Variants in POLR3B observed in about 807,000 individuals in gnomAD.
POLR3B encodes the protein DNA-directed RNA polymerase III subunit RPC2.
In POLR3B, 96 loss-of-function variants were observed where a neutral mutation model predicts 147.4. The ratio of observed to expected loss-of-function variants is 0.65; its 90% CI spans 0.55 to 0.77. The LOEUF (loss-of-function observed/expected upper bound fraction) is 0.77, where lower values mean the gene tolerates loss of function less well. Ranked by LOEUF, POLR3B falls within the 30% of genes least tolerant of loss-of-function variation. The pLI is 0.00. For synonymous variants in POLR3B, 461 were observed against 485.9 expected, an observed-to-expected ratio of 0.95 and a Z score of 0.67; for missense variants, 1,036 against 1,413.5, an observed-to-expected ratio of 0.73 and a Z score of 4.28.
intron 23 of POLR3B, among the ~76,000 whole-genome samples, chr12:106,472,363 T>A (rs928110625): frequency 6.6e-6 from 1 of 151,778 alleles, no homozygotes; most frequent in African/African-American, 2.4e-5. Flanking sequence ...TTTATAGTCA[T>A]TTGGTTATAT....
At chr12:106,367,999 A>C (rs549499159) in intron 4 of POLR3B, among the ~76,000 whole-genome samples, 73 of 152,134 alleles carry the variant, frequency 4.8e-4, no homozygotes, top group Middle Eastern at 3.4e-3. Flanking sequence ...ATATCTCTCT[A>C]TATTAATTTA....
chr12:106,403,396 G>A lies in POLR3B; in HGVS notation c.847-2461G>A, dbSNP rs545391693. Among the ~76,000 whole-genome samples the A allele has an allele frequency of 1.2e-4, 18 of 150,392 alleles. 1 individual carries two copies. Among genetic ancestry groups the A allele is most frequent in the African/African-American group, 4.4e-4 (18 of 40,982 alleles). ...ACTAGTTCAACCATTGTGGAAGTCA[G>A]TGTGGCGATTCCTCAGGGATCTAGA... On this transcript the variant is annotated intron_variant, in intron 10 of 27. Transcript: ENST00000228347.
chr12:106,428,498 T>G (rs900248886), intron 13 of POLR3B, among the ~76,000 whole-genome samples: 1 of 152,204 alleles, frequency 6.6e-6, no homozygotes, highest in Non-Finnish European at 1.5e-5. Flanking sequence ...TTTTTAGCCC[T>G]CTTGTCTGTT....
chr12:106,495,979 G>A, intron 23 of POLR3B, 76 bp from the exon 24 acceptor site: 2 of 852,338 alleles, frequency 2.3e-6, no homozygotes, highest in Admixed American at 1.7e-5. Context: ...ATAGCAGCGG[G>A]GAGATCCCAA....
intron 9 of POLR3B, among the ~76,000 whole-genome samples, chr12:106,388,139 T>A (rs955010902): frequency 6.6e-6 from 1 of 152,192 alleles, no homozygotes; most frequent in Non-Finnish European, 1.5e-5. Context: ...GCCTTATTTA[T>A]GGACTTGGAT....
intron 9 of POLR3B, among the ~76,000 whole-genome samples, chr12:106,386,195 A>G (rs976705121): frequency 6.6e-6 from 1 of 152,036 alleles, no homozygotes; most frequent in African/African-American, 2.4e-5. Context: ...AAAATACAAA[A>G]ACTAGCCGGG....
Position 106,496,748 on chromosome 12 carries a change from G to A in POLR3B, c.2818-4G>A. The stretch of plus-strand genomic sequence containing the variant: ...TGCTCACTTAATTTGTTCACATCCT[G>A]CAGGTGGGGAAGCTCATTGAGCTGC... On this transcript the variant is annotated splice_region_variant and splice_polypyrimidine_tract_variant and intron_variant, in intron 24 of 27. Coordinates refer to ENST00000228347, the MANE Select transcript of POLR3B (RefSeq NM_018082.6). 1.9e-6 allele frequency: 3 copies of A among 1,613,986 alleles called. No homozygotes were observed. The highest frequency in any genetic ancestry group is 2.2e-5 in the South Asian group (2 of 91,080).
chr12:106,414,247 A>G (rs891195734), intron 12 of POLR3B, among the ~76,000 whole-genome samples: 1 of 147,532 alleles, frequency 6.8e-6, no homozygotes, highest in Non-Finnish European at 1.5e-5. Flanking sequence ...AAAAATTCCA[A>G]TCAGTGAAAT....
chr12:106,364,012 A>G (rs1269143972), intron 2 of POLR3B, 110 bp downstream of exon 2: 34 of 799,118 alleles, frequency 4.3e-5, no homozygotes, highest in East Asian at 2.5e-5. Flanking sequence ...TTGATTTTGT[A>G]TAGCTGTGTT....
chr12:106,358,175 C>A, intron 1 of POLR3B: 1 of 1,434,574 alleles, frequency 7.0e-7, no homozygotes, highest in Non-Finnish European at 9.1e-7. Context: ...GCTGCGGGGG[C>A]CGAGAAGCCC....
intron 2 of POLR3B, 21 bp from the exon 3 acceptor site, chr12:106,366,495 T>G: frequency 1.3e-6 from 2 of 1,577,632 alleles, no homozygotes; most frequent in Non-Finnish European, 1.7e-6. Flanking sequence ...ACCTGTTTAC[T>G]TTCTCTTTCT....
chr12:106,378,223 G>A (rs1179689217), intron 7 of POLR3B, 44 bp from the exon 8 acceptor site: 1 of 1,184,270 alleles, frequency 8.4e-7, no homozygotes, highest in Non-Finnish European at 1.3e-6. Context: ...ATCAACACTG[G>A]TTGAGGAATA....
rs1282130720 is a variant in POLR3B, at chr12:106,418,292, T to TATGCAC, written c.1101+7332_1101+7333insATGCAC. 2.0e-5 allele frequency among the ~76,000 whole-genome samples: 3 copies of TATGCAC among 152,222 alleles called. No individual in the cohort carries two copies. In the East Asian group the frequency reaches 5.8e-4, roughly 29 times the overall value. On this transcript the variant is annotated intron_variant, in intron 12 of 27. Coordinates refer to ENST00000228347, the MANE Select transcript of POLR3B (RefSeq NM_018082.6). ...ATTTTTTGTTTCTAATGCAGCTTGC[T>TATGCAC]TTGTATGGGTGAGATATGGAATGGC... is the stretch of plus-strand genomic sequence containing the variant.
intron 23 of POLR3B, among the ~76,000 whole-genome samples, chr12:106,491,113 TAA>T (rs1555217830): frequency 6.6e-6 from 1 of 152,324 alleles, no homozygotes; most frequent in Non-Finnish European, 1.5e-5. Flanking sequence ...GTTTCTTATA[TAA>T]TAATAATTCC....
At chr12:106,446,750 A>T (rs954786757) in intron 19 of POLR3B, among the ~76,000 whole-genome samples, 6 of 152,360 alleles carry the variant, frequency 3.9e-5, no homozygotes, top group African/African-American at 1.4e-4. Flanking sequence ...TAAGTAATAA[A>T]AAAAAGCCTT....
chr12:106,369,661 C>T lies in POLR3B; in HGVS notation c.382C>T (p.Arg128Cys), dbSNP rs369609747. 8 of 1,609,588 alleles carry T rather than the reference C, an allele frequency of 5.0e-6. No homozygotes were observed. The highest frequency in any genetic ancestry group is 2.2e-5 in the East Asian group (1 of 44,866). Residue 128 changes from arginine (R) to cysteine (C), a missense_variant, in exon 6 of 28, where the codon CGC (arginine) becomes TGC (cysteine). By Grantham distance (180) the Arg-to-Cys change is radical (BLOSUM62 -3). This residue lies in a region of POLR3B where 217 missense variants were observed against 288.7 expected (regional missense o/e 0.75). Transcript: ENST00000228347. ...EYTRGSQRII[R>C]NALPIGRMPI... ...TACCCGAGGCAGCCAGAGGATCATC[C>T]GCAATGCCTTACCTATCGGCAGGTG...
intron 18 of POLR3B, among the ~76,000 whole-genome samples, chr12:106,438,253 ATATATG>A (rs1357296391): frequency 6.6e-6 from 1 of 152,102 alleles, no homozygotes; most frequent in Non-Finnish European, 1.5e-5. Context: ...ATTTCATGGT[ATATATG>A]TATATTGTAT....
At chr12:106,435,695 G>A (rs888268131) in intron 16 of POLR3B, among the ~76,000 whole-genome samples, 3 of 152,124 alleles carry the variant, frequency 2.0e-5, no homozygotes, top group African/African-American at 7.2e-5. Flanking sequence ...AGAAGGTGTG[G>A]TAAGTGCTCA....
rs1356770431 is a variant in POLR3B, at chr12:106,357,755, G to A, written c.-125G>A. On this transcript the variant is annotated 5_prime_UTR_variant, in exon 1 of 28. Coordinates refer to ENST00000228347, the MANE Select transcript of POLR3B (RefSeq NM_018082.6). ...GCGGAACCTTTCTACCGCGTCTCTAGCTAACACGCACGGCGGGGACAGTTT... is the reference window on the plus strand; with the variant it reads ...GCGGAACCTTTCTACCGCGTCTCTAACTAACACGCACGGCGGGGACAGTTT... 3.1e-6 allele frequency: 3 copies of A among 973,322 alleles called. No homozygotes were observed. Among genetic ancestry groups the A allele is most frequent in the Admixed American group, 2.0e-5 (1 of 50,196 alleles). The allele number at this position is 973,322 out of a possible 1,614,324, so 60.3% of individuals were successfully genotyped here.
Sources: gnomAD v4.1 joint callset for allele counts (sites outside exome capture counted in the v4.1 genomes callset) on GRCh38, gnomAD v4.1.1 for gene constraint, gnomAD v4.1.1 regional missense constraint, MANE v1.5 for transcripts, NCBI Gene and HGNC (gene_info 2026-07-23, HGNC 2026-07-21) for gene names.